APAF1: variants seen among roughly 807,000 people sequenced by gnomAD.
The protein encoded by APAF1 is apoptotic protease-activating factor 1.
Under a neutral mutation model 152.4 loss-of-function variants are expected in APAF1, and 91 were observed. The observed-to-expected ratio is 0.60, with a 90% CI of 0.50 to 0.71. The LOEUF (loss-of-function observed/expected upper bound fraction) is 0.71, where lower values mean the gene tolerates loss of function less well. Ranked by LOEUF, APAF1 falls within the 30% of genes least tolerant of loss-of-function variation. The probability of loss-of-function intolerance (pLI) is 0.00; values close to 1 mark genes in which losing one functional copy is unlikely to be tolerated. For missense variants in APAF1, 1,283 were observed against 1,472.0 expected (o/e 0.87, Z 2.10); for synonymous variants, 484 against 494.1 (o/e 0.98, Z 0.27).
chr12:98,701,543 G>GT (rs2097715416), intron 17 of APAF1, among the ~76,000 whole-genome samples: 4 of 152,170 alleles, frequency 2.6e-5, no homozygotes, highest in African/African-American at 9.7e-5. Flanking sequence ...AGCCATCCTA[G>GT]TAGGTGTGAA....
chr12:98,731,858 T>C (rs2097762267), intron 26 of APAF1, among the ~76,000 whole-genome samples: 1 of 152,224 alleles, frequency 6.6e-6, no homozygotes, highest in East Asian at 1.9e-4. Context: ...CTTGCTACGT[T>C]TGAGATGTTC....
At position 98,680,317 on chromosome 12, in the gene APAF1, A is replaced by T. The variant is rs1334793867; in HGVS notation, c.1961A>T (p.Lys654Met). 1 of 1,613,002 alleles carries T rather than the reference A, an allele frequency of 6.2e-7. No homozygotes were observed. Among genetic ancestry groups the T allele is most frequent in the Non-Finnish European group, 8.5e-7 (1 of 1,179,494 alleles). ...ACAGGAGAGAAACTTCTAGAAATCAAGGCTCATGAGGATGAAGTGCTTTGT... is the reference window on the plus strand; with the variant it reads ...ACAGGAGAGAAACTTCTAGAAATCATGGCTCATGAGGATGAAGTGCTTTGT... ...AETGEKLLEI[K>M]AHEDEVLCCA... Residue 654 changes from lysine (K) to methionine (M), a missense_variant, in exon 14 of 27, where the codon AAG (lysine) becomes ATG (methionine). Transcript: ENST00000551964.
chr12:98,677,472 A>G lies in APAF1; in HGVS notation c.1841A>G (p.His614Arg). Residue 614 changes from histidine (H) to arginine (R), a missense_variant, in exon 13 of 27, where the codon CAC becomes CGC. By Grantham distance (29) the His-to-Arg change is conservative. Coordinates refer to ENST00000551964, the MANE Select transcript of APAF1 (RefSeq NM_181861.2). Reference protein sequence around the residue: ...TNLSRLVVRPHTDAVYHACFS... With the variant: ...TNLSRLVVRPRTDAVYHACFS... Reference sequence around the variant, plus strand: ...CTTTCCCGCTTAGTTGTCCGCCCCCACACAGATGCTGTTTACCATGCCTGC... The same window carrying G: ...CTTTCCCGCTTAGTTGTCCGCCCCCGCACAGATGCTGTTTACCATGCCTGC... 1 of 1,614,162 alleles carries G rather than the reference A, an allele frequency of 6.2e-7. No homozygotes were observed. Among genetic ancestry groups the G allele is most frequent in the South Asian group, 1.1e-5 (1 of 91,082 alleles).
rs376318016 is a variant in APAF1, at chr12:98,665,278, A to ATTTTTT, written c.956-265_956-260dup. ...CGCATATATATATATATATATATAT[A>ATTTTTT]TTTTTTTTTTTTTTTGTAATGACAT... On this transcript the variant is annotated intron_variant, in intron 7 of 26. Coordinates refer to ENST00000551964, the MANE Select transcript of APAF1 (RefSeq NM_181861.2). Among the ~76,000 whole-genome samples the ATTTTTT allele has an allele frequency of 2.6e-3, 173 of 65,976 alleles. 2 individuals are homozygous for ATTTTTT. The highest frequency in any genetic ancestry group is 0.015 in the South Asian group (28 of 1,874). 43.3% of individuals were successfully genotyped at this position (65,976 alleles called of 152,430 possible).
At chr12:98,673,461 A>AAAAAAAAC (rs1565868653) in intron 12 of APAF1, among the ~76,000 whole-genome samples, 2 of 151,614 alleles carry the variant, frequency 1.3e-5, no homozygotes, top group African/African-American at 4.9e-5. Flanking sequence ...AAAAAACAAA[A>AAAAAAAAC]AAAAAACCTT....
intron 4 of APAF1, among the ~76,000 whole-genome samples, chr12:98,654,349 G>A (rs2097653647): frequency 1.3e-5 from 2 of 152,186 alleles, no homozygotes; most frequent in South Asian, 4.2e-4. Flanking sequence ...AAATATGAAA[G>A]AATTTACTAG....
chr12:98,726,597 T>C (rs1461601053), intron 25 of APAF1: 1 of 154,916 alleles, frequency 6.5e-6, no homozygotes, highest in East Asian at 1.9e-4. Flanking sequence ...CATAAATGTG[T>C]GTCAGCTGAA....
chr12:98,665,893 A>G, intron 8 of APAF1, 102 bp downstream of exon 8: 1 of 1,042,450 alleles, frequency 9.6e-7, no homozygotes, highest in Non-Finnish European at 1.5e-6. Context: ...GATAAGACCC[A>G]GGGGACTGAG....
chr12:98,710,527 G>A (rs1009837276), intron 20 of APAF1, among the ~76,000 whole-genome samples: 4 of 152,168 alleles, frequency 2.6e-5, no homozygotes, highest in African/African-American at 9.7e-5. Context: ...GGTCTGAGAG[G>A]AAGCAGACAA....
chr12:98,683,411 CA>C (rs944234807), intron 15 of APAF1, 137 bp downstream of exon 15: 13,239 of 684,168 alleles, frequency 0.019, no homozygotes, highest in South Asian at 0.027. Context: ...TTAGCTGAAG[CA>C]AAAAAAAAAT....
At chr12:98,652,154 T>A (rs2097649792) in intron 4 of APAF1, among the ~76,000 whole-genome samples, 1 of 152,128 alleles carries the variant, frequency 6.6e-6, no homozygotes, top group Admixed American at 6.5e-5. Flanking sequence ...GTTTTTGCTA[T>A]CTTGTCCAGG....
chr12:98,646,185 A>G (rs984805826), intron 1 of APAF1, among the ~76,000 whole-genome samples: 2 of 152,262 alleles, frequency 1.3e-5, no homozygotes, highest in Non-Finnish European at 2.9e-5. Context: ...TCAGAAAACC[A>G]GAGTGTCTTA....
At chr12:98,684,560 A>C (rs2097696007) in intron 15 of APAF1, among the ~76,000 whole-genome samples, 1 of 120,350 alleles carries the variant, frequency 8.3e-6, no homozygotes, top group African/African-American at 3.3e-5. Context: ...TCTCCGCACC[A>C]CATAGTGCTC....
At position 98,706,504 on chromosome 12, in the gene APAF1, G is replaced by T; in HGVS notation, c.2615G>T (p.Arg872Leu). The change falls in exon 19 of 27, where the codon CGT becomes CTT. Residue 872 changes from arginine to leucine, a missense_variant. Arg to Leu is a moderately radical substitution (Grantham distance 102, BLOSUM62 -2). Transcript: ENST00000551964. ...YCVELWNTDS[R>L]SKVADCRGHL... ...CTGTAGTTGTGGAATACAGACTCAC[G>T]TTCAAAGGTGGCTGATTGCAGAGGA... 2 of 1,613,996 alleles carry T rather than the reference G, an allele frequency of 1.2e-6. No homozygotes were observed. Among genetic ancestry groups the T allele is most frequent in the Non-Finnish European group, 1.7e-6 (2 of 1,179,910 alleles).
chr12:98,673,943 C>A (rs1384865217), intron 12 of APAF1, among the ~76,000 whole-genome samples: 2 of 152,092 alleles, frequency 1.3e-5, no homozygotes, highest in African/African-American at 2.4e-5. Context: ...AGAATGGTAT[C>A]TGAGAGAATT....
intron 22 of APAF1, among the ~76,000 whole-genome samples, chr12:98,717,525 A>G (rs2097736330): frequency 6.6e-6 from 1 of 151,880 alleles, no homozygotes; most frequent in Non-Finnish European, 1.5e-5. Flanking sequence ...GCAGGCATGC[A>G]CAACCACACC....
intron 19 of APAF1, among the ~76,000 whole-genome samples, chr12:98,707,394 A>G (rs1487073895): frequency 6.6e-6 from 1 of 152,096 alleles, no homozygotes; most frequent in Non-Finnish European, 1.5e-5. Flanking sequence ...ACCATTCTAT[A>G]AGTCCCCTCA....
chr12:98,649,198 A>G (rs2097645958), intron 3 of APAF1: 1 of 983,198 alleles, frequency 1.0e-6, no homozygotes, highest in Non-Finnish European at 1.2e-6. Context: ...TTGCCTTCCC[A>G]GTCTTCAATA....
chr12:98,731,069 G>C (rs1040192697), intron 26 of APAF1, among the ~76,000 whole-genome samples: 1 of 152,120 alleles, frequency 6.6e-6, no homozygotes, highest in African/African-American at 2.4e-5. Context: ...TGGGCTTTTG[G>C]CCTTGAGATA....
Sources: allele counts gnomAD v4.1 joint callset (sites outside exome capture counted in the v4.1 genomes callset), GRCh38; gene constraint gnomAD v4.1.1; transcripts MANE v1.5; gene names NCBI Gene and HGNC (gene_info 2026-07-23, HGNC 2026-07-21).